The following ADGRL2 variants were observed in gnomAD, a reference collection of about 807,000 sequenced individuals.
The protein encoded by ADGRL2 is adhesion G protein-coupled receptor L2, also known as calcium-independent alpha-latrotoxin receptor 2.
In ADGRL2, 44 loss-of-function variants were observed where a neutral mutation model predicts 157.4. The observed-to-expected ratio is 0.28, with a 90% CI of 0.22 to 0.36. ADGRL2 has a LOEUF of 0.36. ADGRL2 is among the 10% of genes least tolerant of loss of function. ADGRL2 has a pLI of 1.00. For synonymous variants in ADGRL2, 585 were observed against 624.7 expected (o/e 0.94, Z 0.95); for missense variants, 1,510 against 1,768.9 (o/e 0.85, Z 2.63).
At chr1:81,790,620 C>A (rs1051041052) in intron 2 of ADGRL2, among the ~76,000 whole-genome samples, 3 of 152,170 alleles carry the variant, frequency 2.0e-5, no homozygotes, top group African/African-American at 7.2e-5. Flanking sequence ...GGACAATATA[C>A]TGAACTAAAT....
chr1:81,880,714 A>C (rs1455670589), intron 2 of ADGRL2, among the ~76,000 whole-genome samples: 1 of 148,174 alleles, frequency 6.7e-6, no homozygotes, highest in East Asian at 2.1e-4. Flanking sequence ...CCTTAGTCTG[A>C]GCCATTCCAC....
At chr1:81,360,951 A>T (rs2075966885) in intron 1 of ADGRL2, among the ~76,000 whole-genome samples, 3 of 151,918 alleles carry the variant, frequency 2.0e-5, no homozygotes, top group African/African-American at 7.2e-5. Flanking sequence ...GGAAAATTTG[A>T]ATAGTAAATC....
intron 2 of ADGRL2, among the ~76,000 whole-genome samples, chr1:81,895,141 G>T (rs113213196): frequency 6.6e-6 from 1 of 152,014 alleles, no homozygotes; most frequent in Non-Finnish European, 1.5e-5. Context: ...ATTAGTCTTC[G>T]GATTCAGAGA....
At chr1:81,738,289 G>A (rs2084967313) in intron 1 of ADGRL2, among the ~76,000 whole-genome samples, 1 of 152,166 alleles carries the variant, frequency 6.6e-6, no homozygotes, top group Admixed American at 6.5e-5. Flanking sequence ...GATTCTCTGA[G>A]TGAGACTTCA....
chr1:81,798,701 G>T (rs1045909339), upstream of ADGRL2, among the ~76,000 whole-genome samples: 5 of 152,156 alleles, frequency 3.3e-5, no homozygotes, highest in Non-Finnish European at 5.9e-5. Context: ...ATCAAAGAAT[G>T]TCAAATATAT....
chr1:81,855,363 C>T (rs2093166155), intron 2 of ADGRL2, among the ~76,000 whole-genome samples: 1 of 152,054 alleles, frequency 6.6e-6, no homozygotes. Flanking sequence ...ATCACTTGAG[C>T]CTAGTAGTTC....
At chr1:81,766,472 A>G (rs2086122932) in intron 2 of ADGRL2, among the ~76,000 whole-genome samples, 1 of 152,182 alleles carries the variant, frequency 6.6e-6, no homozygotes, top group Non-Finnish European at 1.5e-5. Flanking sequence ...AGAAGGTTAA[A>G]CTACTTCCTT....
chr1:81,603,040 G>A (rs1344785705), intron 3 of ADGRL2, among the ~76,000 whole-genome samples: 1 of 152,152 alleles, frequency 6.6e-6, no homozygotes, highest in Non-Finnish European at 1.5e-5. Context: ...AGTGGAAAAA[G>A]CAACAGAGTC....
chr1:81,531,907 A>C (rs1188563163), intron 2 of ADGRL2, among the ~76,000 whole-genome samples: 1 of 152,126 alleles, frequency 6.6e-6, no homozygotes, highest in Non-Finnish European at 1.5e-5. Flanking sequence ...TAAAACCTGG[A>C]CCTACCACTA....
chr1:81,697,542 G>C (rs2083470656), upstream of ADGRL2, among the ~76,000 whole-genome samples: 2 of 152,128 alleles, frequency 1.3e-5, no homozygotes, highest in African/African-American at 4.8e-5. Flanking sequence ...AAAGGGACCT[G>C]TCATCTTGCC....
chr1:81,656,790 G>A (rs542922297), intron 3 of ADGRL2, among the ~76,000 whole-genome samples: 2 of 152,064 alleles, frequency 1.3e-5, no homozygotes, highest in South Asian at 4.2e-4. Flanking sequence ...CGGGTGGATT[G>A]CTTGAGCCCA....
chr1:81,777,688 A>T (rs1056228844), intron 2 of ADGRL2, among the ~76,000 whole-genome samples: 1 of 152,156 alleles, frequency 6.6e-6, no homozygotes, highest in African/African-American at 2.4e-5. Flanking sequence ...ACCTGAGCTC[A>T]GGAGGCATAG....
intron 2 of ADGRL2, among the ~76,000 whole-genome samples, chr1:81,857,131 T>A (rs2150667522): frequency 6.6e-6 from 1 of 152,318 alleles, no homozygotes; most frequent in South Asian, 2.1e-4. Context: ...TGTTACATTT[T>A]AGCCAAGGAA....
chr1:81,484,233 A>T (rs2078452343), intron 2 of ADGRL2, among the ~76,000 whole-genome samples: 1 of 152,200 alleles, frequency 6.6e-6, no homozygotes, highest in Non-Finnish European at 1.5e-5. Flanking sequence ...TTTCCTTATT[A>T]ATTCTAATTG....
rs1325589829 is a variant in ADGRL2 at position 81,804,738 on chromosome 1, AGAGT to A, written c.-101+3674_-101+3677del. Among the ~76,000 whole-genome samples, 5 of 152,174 alleles carry A rather than the reference AGAGT, an allele frequency of 3.3e-5. No individual in the cohort carries two copies. In the East Asian group the frequency reaches 5.8e-4, roughly 18 times the overall value. ...TTTTGGGGTCCCTTCAGTGTAAGAGAGAGTGAGAAAGCCTTTCCTTCTAACTTAA... is the reference window on the plus strand; with the variant it reads ...TTTTGGGGTCCCTTCAGTGTAAGAGAGAGAAAGCCTTTCCTTCTAACTTAA... On this transcript the variant is annotated intron_variant, in intron 1 of 23. Coordinates refer to ENST00000686636, the MANE Select transcript of ADGRL2 (RefSeq NM_001366006.2).
chr1:81,711,316 C>A (rs1456651583), intron 1 of ADGRL2, among the ~76,000 whole-genome samples: 4 of 152,168 alleles, frequency 2.6e-5, no homozygotes, highest in Admixed American at 2.6e-4. Context: ...GAATAACCAT[C>A]GTTTGTCTGT....
intron 2 of ADGRL2, among the ~76,000 whole-genome samples, chr1:81,481,936 C>T (rs1206700862): frequency 6.6e-6 from 1 of 152,064 alleles, no homozygotes; most frequent in Non-Finnish European, 1.5e-5. Context: ...ATCCTTAGAC[C>T]CTTCCCACCC....
chr1:81,333,762 C>CA (rs35097540), intron 1 of ADGRL2, among the ~76,000 whole-genome samples: 56,799 of 112,008 alleles, frequency 0.51, 11,748 homozygotes, highest in Middle Eastern at 0.57. Context: ...GTTCCCTAAG[C>CA]AAAAAAAAAA....
intron 1 of ADGRL2, among the ~76,000 whole-genome samples, chr1:81,377,110 C>T (rs1389490789): frequency 6.6e-6 from 1 of 152,080 alleles, no homozygotes; most frequent in African/African-American, 2.4e-5. Context: ...CTGGGAGGAT[C>T]GCTTAGGCCC....
Sources: gnomAD v4.1 joint callset for allele counts (sites outside exome capture counted in the v4.1 genomes callset) on GRCh38, gnomAD v4.1.1 for gene constraint, MANE v1.5 for transcripts, NCBI Gene and HGNC (gene_info 2026-07-23, HGNC 2026-07-21) for gene names.